SHROOM4: variants seen among roughly 807,000 people sequenced by gnomAD.
SHROOM4 encodes the protein protein Shroom4.
In SHROOM4, 17 loss-of-function variants were observed where a neutral mutation model predicts 80.3. That is an observed-to-expected ratio of 0.21 (90% CI 0.14 to 0.32). The LOEUF (loss-of-function observed/expected upper bound fraction) is 0.32, where lower values mean the gene tolerates loss of function less well. Among genes scored for constraint, SHROOM4 ranks in the 10% least tolerant of loss-of-function variants. SHROOM4 has a pLI of 1.00. For missense variants in SHROOM4, 993 were observed against 1,140.3 expected (o/e 0.87, Z 1.86); for synonymous variants, 400 against 437.5 (o/e 0.91, Z 1.07).
At position 50,595,803 on chromosome X, in the gene SHROOM4, A is replaced by C. The variant is rs893978506; in HGVS notation, c.*892T>G. ...TCGCCTTATTAGTTAAAAAAGAAAA[A>C]AATAATCAAAACATAAAAATAAATA... On this transcript the variant is annotated 3_prime_UTR_variant, in exon 9 of 9. Transcript: ENST00000376020. 25 of 309,651 alleles carry C rather than the reference A, an allele frequency of 8.1e-5. No individual in the cohort carries two copies. Among genetic ancestry groups the C allele is most frequent in the African/African-American group, 1.4e-4 (5 of 36,024 alleles). The allele number at this position is 309,651 out of a possible 1,213,427, so 25.5% of individuals were successfully genotyped here. A position where few individuals can be genotyped will look rare whatever the true frequency, so the allele number is the denominator to read the frequency against.
At chrX:50,738,776 T>C (rs1416925001) in intron 1 of SHROOM4, among the ~76,000 whole-genome samples, 3 of 111,616 alleles carry the variant, frequency 2.7e-5, no homozygotes, top group Non-Finnish European at 5.6e-5. Context: ...ATAGATTCAA[T>C]GCCATCCCCA....
chrX:50,764,306 T>C (rs916867051), intron 1 of SHROOM4, among the ~76,000 whole-genome samples: 2 of 110,193 alleles, frequency 1.8e-5, no homozygotes, highest in African/African-American at 6.6e-5. Flanking sequence ...GGATCTGGGG[T>C]GGGGAAGGAA....
At position 50,602,781 on chromosome X, in the gene SHROOM4, C is replaced by T; in HGVS notation, c.3794G>A (p.Gly1265Glu). Residue 1265 changes from glycine (G) to glutamate (E), a missense_variant, in exon 7 of 9, where the codon GGG becomes GAG. Physicochemically the swap from Gly to Glu is moderately conservative, Grantham distance 98. Coordinates refer to ENST00000376020, the MANE Select transcript of SHROOM4 (RefSeq NM_020717.5). ...QEFQHFSPPS[G>E]APGIPTSYSA... Reference sequence around the variant, plus strand: ...GTAAGAGGTAGGGATTCCTGGGGCCCCTGAAGGAGGCGAAAAGTGCTGAAA... The same window carrying T: ...GTAAGAGGTAGGGATTCCTGGGGCCTCTGAAGGAGGCGAAAAGTGCTGAAA... 8.3e-7 allele frequency: 1 copy of T among 1,210,891 alleles called. No homozygotes were observed. The highest frequency in any genetic ancestry group is 1.1e-6 in the Non-Finnish European group (1 of 895,256).
chrX:50,806,283 G>A (rs1936226614), intron 1 of SHROOM4, among the ~76,000 whole-genome samples: 1 of 112,331 alleles, frequency 8.9e-6, no homozygotes, highest in Non-Finnish European at 1.9e-5. Context: ...AGAGGAGGAT[G>A]TGGATGTGAA....
rs1929489308 is a variant in SHROOM4, at chrX:50,602,776, G to A, written c.3799C>T (p.Pro1267Ser). ...GCTGAGTAAGAGGTAGGGATTCCTG[G>A]GGCCCCTGAAGGAGGCGAAAAGTGC... ...FQHFSPPSGA[P>S]GIPTSYSAYY... Residue 1267 changes from proline (P) to serine (S), a missense_variant, in exon 7 of 9, where the codon CCA (proline) becomes TCA (serine). Physicochemically the swap from Pro to Ser is moderately conservative, Grantham distance 74. Transcript: ENST00000376020. 8.3e-7 allele frequency: 1 copy of A among 1,209,046 alleles called. No homozygotes were observed. The highest frequency in any genetic ancestry group is 1.8e-5 in the African/African-American group (1 of 56,870).
At chrX:50,693,800 C>T (rs1218021806) in intron 2 of SHROOM4, among the ~76,000 whole-genome samples, 1 of 110,252 alleles carries the variant, frequency 9.1e-6, no homozygotes, top group Non-Finnish European at 1.9e-5. Context: ...AGTTACCCTA[C>T]CAAACTATTG....
At chrX:50,788,451 C>A (rs1466172809) in intron 1 of SHROOM4, among the ~76,000 whole-genome samples, 1 of 110,022 alleles carries the variant, frequency 9.1e-6, no homozygotes. Context: ...CTAAAAAATA[C>A]AAAAAATTAG....
rs781955491 is a variant in SHROOM4, at chrX:50,607,713, CTCT to C, written c.3426_3428del (p.Glu1151del). On this transcript the variant is annotated inframe_deletion, in exon 6 of 9. Transcript: ENST00000376020. The stretch of plus-strand genomic sequence containing the variant: ...CCTCCTCCTCCTCCTCTTCCTCTTC[CTCT>C]TCTTCTTCTTCTTCCTCCTCCTCCT... The C allele has an allele frequency of 6.1e-4, 716 of 1,164,546 alleles. 4 individuals carry two copies. The South Asian group carries it at 8.7e-3, about 14-fold the overall frequency.
At chrX:50,762,102 G>A (rs1278493412) in intron 1 of SHROOM4, among the ~76,000 whole-genome samples, 2 of 110,588 alleles carry the variant, frequency 1.8e-5, no homozygotes, top group African/African-American at 6.6e-5. Context: ...TATATATTTT[G>A]TCTATATACA....
downstream of SHROOM4, among the ~76,000 whole-genome samples, chrX:50,584,014 C>T (rs1928712299): frequency 8.9e-6 from 1 of 111,864 alleles, no homozygotes; most frequent in Non-Finnish European, 1.9e-5. Context: ...TCAGAGCAGC[C>T]ACTTAAATAT....
rs369666172 is a variant in SHROOM4, at chrX:50,622,733, T to C, written c.2957+4881A>G. 4.5e-5 allele frequency among the ~76,000 whole-genome samples: 5 copies of C among 112,351 alleles called. No individual in the cohort carries two copies. In the East Asian group the frequency reaches 8.3e-4, roughly 19 times the overall value. ...TGAAGGGAAACTCTATCAGGATTTC[T>C]CCTCACAGATGTCATCTATGCCCTG... is the stretch of plus-strand genomic sequence containing the variant. On this transcript the variant is annotated intron_variant, in intron 5 of 8. Transcript: ENST00000376020.
At chrX:50,692,058 A>G (rs1227190588) in intron 2 of SHROOM4, among the ~76,000 whole-genome samples, 1 of 111,694 alleles carries the variant, frequency 9.0e-6, no homozygotes. Flanking sequence ...TGAAAACCAA[A>G]GGGCCCTGCT....
intron 5 of SHROOM4, among the ~76,000 whole-genome samples, chrX:50,620,185 G>T (rs781968248): frequency 8.9e-5 from 10 of 111,880 alleles, no homozygotes; most frequent in Admixed American, 4.7e-4. Flanking sequence ...TGTACCTAAA[G>T]AACACCATGT....
intron 1 of SHROOM4, among the ~76,000 whole-genome samples, chrX:50,722,594 G>T (rs1450665858): frequency 1.8e-5 from 2 of 110,913 alleles, no homozygotes; most frequent in Non-Finnish European, 3.8e-5. Flanking sequence ...AATAACAGGA[G>T]GGTCTTGCAA....
intron 2 of SHROOM4, among the ~76,000 whole-genome samples, chrX:50,673,864 A>G (rs1465272608): frequency 1.8e-5 from 2 of 109,108 alleles, no homozygotes; most frequent in Non-Finnish European, 3.8e-5. Context: ...TCTAAAACTA[A>G]CAAAATCAAT....
chrX:50,796,175 T>C (rs192472042), intron 1 of SHROOM4, among the ~76,000 whole-genome samples: 16 of 111,875 alleles, frequency 1.4e-4, no homozygotes, highest in Non-Finnish European at 2.8e-4. Flanking sequence ...GGCTGGCTTA[T>C]GAGATAATGT....
At chrX:50,721,435 G>C (rs781805839) in intron 1 of SHROOM4, among the ~76,000 whole-genome samples, 1 of 112,292 alleles carries the variant, frequency 8.9e-6, no homozygotes, top group Non-Finnish European at 1.9e-5. Flanking sequence ...GACCATACAG[G>C]ATAATGTCCT....
intron 2 of SHROOM4, among the ~76,000 whole-genome samples, chrX:50,676,501 A>T (rs1441500265): frequency 3.6e-5 from 4 of 111,110 alleles, no homozygotes; most frequent in Non-Finnish European, 7.6e-5. Context: ...CATCCATGGC[A>T]AGTGGCTATT....
chrX:50,797,825 C>T (rs1186532241), intron 1 of SHROOM4, among the ~76,000 whole-genome samples: 26 of 110,707 alleles, frequency 2.3e-4, no homozygotes, highest in African/African-American at 8.6e-4. Context: ...AACATGCCTA[C>T]ATATAATGTA....
Sources: allele counts gnomAD v4.1 joint callset (sites outside exome capture counted in the v4.1 genomes callset), GRCh38; gene constraint gnomAD v4.1.1; transcripts MANE v1.5; gene names NCBI Gene and HGNC (gene_info 2026-07-23, HGNC 2026-07-21).